The following SH2D4B variants were observed in gnomAD, a reference collection of about 807,000 sequenced individuals.
The protein encoded by SH2D4B is SH2 domain containing 4B.
In SH2D4B, 45 loss-of-function variants were observed where a neutral mutation model predicts 61.5. That is an observed-to-expected ratio of 0.73 (90% confidence interval 0.58 to 0.94). The LOEUF (loss-of-function observed/expected upper bound fraction) is 0.94, where lower values mean the gene tolerates loss of function less well. Ranked by LOEUF, SH2D4B falls within the 40% of genes least tolerant of loss-of-function variation. SH2D4B has a pLI of 0.00. For synonymous variants in SH2D4B, 224 were observed against 220.4 expected (o/e 1.02, Z -0.14); for missense variants, 572 against 574.2 (o/e 1.00, Z 0.04).
chr10:80,580,250 A>C (rs11186147), intron 3 of SH2D4B, among the ~76,000 whole-genome samples: 4,534 of 152,308 alleles, frequency 0.03, 213 homozygotes, highest in African/African-American at 0.1. Flanking sequence ...TCTGGTCAGA[A>C]GCTGGTAGCA....
intron 4 of SH2D4B, among the ~76,000 whole-genome samples, chr10:80,598,279 C>T (rs901035874): frequency 2.6e-5 from 4 of 152,142 alleles, no homozygotes; most frequent in African/African-American, 9.7e-5. Flanking sequence ...TCATGAAGTG[C>T]TCTTCTTTTT....
chr10:80,578,735 C>A (rs998806478), intron 3 of SH2D4B, among the ~76,000 whole-genome samples: 4 of 152,200 alleles, frequency 2.6e-5, no homozygotes, highest in African/African-American at 9.6e-5. Flanking sequence ...TTTAGGAGCA[C>A]CACTGATGGC....
At chr10:80,564,202 C>T (rs1841939582) in intron 1 of SH2D4B, among the ~76,000 whole-genome samples, 1 of 152,118 alleles carries the variant, frequency 6.6e-6, no homozygotes, top group Admixed American at 6.5e-5. Context: ...CTTTTTATGT[C>T]TTGTAGAACA....
rs1191937794 is a variant in SH2D4B, at chr10:80,645,422, G to A, written c.*1337G>A. ...CTTGCCACATGCCCCATCTCCCATT[G>A]CTGCAGAGGCATAAGACAGAAGAGA... is the stretch of plus-strand genomic sequence containing the variant. On this transcript the variant is annotated 3_prime_UTR_variant, in exon 8 of 8. Transcript: ENST00000646907. 6.6e-6 allele frequency: 1 copy of A among 152,196 alleles called. No individual in the cohort carries two copies. The highest frequency in any genetic ancestry group is 1.9e-4 in the East Asian group (1 of 5,200). 9.4% of individuals were successfully genotyped at this position (152,196 alleles called of 1,614,324 possible). A position where few individuals can be genotyped will look rare whatever the true frequency, so the allele number is the denominator to read the frequency against.
chr10:80,542,188 G>A (rs143814573), intron 1 of SH2D4B, among the ~76,000 whole-genome samples: 13 of 152,040 alleles, frequency 8.6e-5, no homozygotes, highest in African/African-American at 3.1e-4. Context: ...GTGCAAGCTC[G>A]TTCTCTCCTC....
At chr10:80,578,761 G>A (rs1431453080) in intron 3 of SH2D4B, among the ~76,000 whole-genome samples, 2 of 152,182 alleles carry the variant, frequency 1.3e-5, no homozygotes, top group Admixed American at 1.3e-4. Flanking sequence ...TGTGATTCAA[G>A]TGATGAGTTT....
chr10:80,565,033 A>T (rs972748137), intron 1 of SH2D4B, among the ~76,000 whole-genome samples: 6 of 152,208 alleles, frequency 3.9e-5, no homozygotes, highest in African/African-American at 1.2e-4. Flanking sequence ...TGGATTGGTC[A>T]CAGGTTGGCA....
At position 80,538,172 on chromosome 10, in the gene SH2D4B, G is replaced by C; in HGVS notation, c.-160G>C. 1 of 524,478 alleles carries C rather than the reference G, an allele frequency of 1.9e-6. No homozygotes were observed. Among genetic ancestry groups the C allele is most frequent in the Non-Finnish European group, 3.0e-6 (1 of 338,316 alleles). 32.5% of individuals were successfully genotyped at this position (524,478 alleles called of 1,614,324 possible). On this transcript the variant is annotated 5_prime_UTR_variant, in exon 1 of 8. Transcript: ENST00000646907. This position sits in a 1 kb window ranked among gnomAD's most constrained non-coding sequence, Gnocchi z 4.8. ...GGTAGAGGAGATGAGTTCGTCGCTG[G>C]CTGCAAGCTGAGGCCAACTGACAAT... is the stretch of plus-strand genomic sequence containing the variant.
At chr10:80,552,644 A>T (rs1841777073) in intron 1 of SH2D4B, among the ~76,000 whole-genome samples, 1 of 152,202 alleles carries the variant, frequency 6.6e-6, no homozygotes. Context: ...TGGAAGTAGC[A>T]GGTTGTAGGC....
chr10:80,584,358 T>G (rs1046200406), intron 3 of SH2D4B, among the ~76,000 whole-genome samples: 3 of 152,178 alleles, frequency 2.0e-5, no homozygotes, highest in Non-Finnish European at 4.4e-5. Context: ...AAGATAACTT[T>G]TGTATTGTCT....
chr10:80,638,979 C>T (rs1380052250), intron 7 of SH2D4B, among the ~76,000 whole-genome samples: 9 of 152,060 alleles, frequency 5.9e-5, no homozygotes, highest in Non-Finnish European at 1.0e-4. Flanking sequence ...GATTCTGGTA[C>T]GTTGTGTCTT....
chr10:80,576,289 G>A (rs971422772), intron 3 of SH2D4B, among the ~76,000 whole-genome samples: 2 of 152,320 alleles, frequency 1.3e-5, no homozygotes, highest in South Asian at 2.1e-4. Context: ...CACAGGCTGT[G>A]GATGTTATTG....
In SH2D4B at chr10:80,610,084, C is replaced by A. The variant is rs112866303; in HGVS notation, c.988+533C>A. Among the ~76,000 whole-genome samples, 6 of 152,280 alleles carry A rather than the reference C, an allele frequency of 3.9e-5. 1 individual carries two copies. Among genetic ancestry groups the A allele is most frequent in the African/African-American group, 1.4e-4 (6 of 41,552 alleles). On this transcript the variant is annotated intron_variant, in intron 6 of 7. Transcript: ENST00000646907. ...GCCTTTTTCCTGTCCCTCAAACAAG[C>A]CATCCTCTTTCCCATCTCAGACCTT...
At chr10:80,634,162 C>T in intron 6 of SH2D4B, 123 bp from the exon 7 acceptor site, 1 of 1,352,640 alleles carries the variant, frequency 7.4e-7, no homozygotes, top group Non-Finnish European at 9.7e-7. Flanking sequence ...TCCTGCCACC[C>T]TGGACTGTGT....
rs748153404 is a variant in SH2D4B at position 80,603,714 on chromosome 10, G to C, written c.779G>C (p.Gly260Ala). Residue 260 changes from glycine (G) to alanine (A), a missense_variant, in exon 5 of 8, where the codon GGC (glycine) becomes GCC (alanine). Coordinates refer to ENST00000646907, the MANE Select transcript of SH2D4B (RefSeq NM_001388272.1). ...AGLSSMFRELGQSHEQEARLY... is the reference protein window; with the variant it reads ...AGLSSMFRELAQSHEQEARLY... ...CTCAGCTCCATGTTCCGGGAGCTTG[G>C]CCAGAGCCATGAGCAGGAGGCAAGA... is the stretch of plus-strand genomic sequence containing the variant. The C allele has an allele frequency of 6.2e-7, 1 of 1,613,592 alleles. No homozygotes were observed. The highest frequency in any genetic ancestry group is 8.5e-7 in the Non-Finnish European group (1 of 1,179,956).
chr10:80,634,679 G>A (rs990137235), intron 7 of SH2D4B, among the ~76,000 whole-genome samples, 174 bp downstream of exon 7: 19 of 152,272 alleles, frequency 1.2e-4, no homozygotes, highest in African/African-American at 4.3e-4. Flanking sequence ...CACGGGGCCC[G>A]AGGGCCCACT....
At chr10:80,614,861 C>G (rs191392772) in intron 6 of SH2D4B, among the ~76,000 whole-genome samples, 3 of 152,226 alleles carry the variant, frequency 2.0e-5, no homozygotes, top group Admixed American at 6.5e-5. Flanking sequence ...ATGTTCTCCA[C>G]CCTGTGACTG....
chr10:80,631,947 T>C (rs867530941), intron 6 of SH2D4B, among the ~76,000 whole-genome samples: 1 of 152,134 alleles, frequency 6.6e-6, no homozygotes, highest in Non-Finnish European at 1.5e-5. Flanking sequence ...AGTTTTTGTT[T>C]GTTTGTTTGA....
chr10:80,609,561 T>C lies in SH2D4B; in HGVS notation c.988+10T>C. 1 of 1,613,560 alleles carries C rather than the reference T, an allele frequency of 6.2e-7. No homozygotes were observed. The highest frequency in any genetic ancestry group is 1.3e-5 in the African/African-American group (1 of 75,060). ...GCCCCCTGGTTCCATGGTAGCACCA[T>C]TTTTCTGGGCCCTGTGCCAGATGAT... On this transcript the variant is annotated intron_variant, in intron 6 of 7. Transcript: ENST00000646907.
Sources: allele counts gnomAD v4.1 joint callset (sites outside exome capture counted in the v4.1 genomes callset), GRCh38; gene constraint gnomAD v4.1.1; non-coding constraint Gnocchi (gnomAD v3.1); transcripts MANE v1.5; gene names NCBI Gene and HGNC (gene_info 2026-07-23, HGNC 2026-07-21).